The following STX16 variants were observed in gnomAD, a reference collection of about 807,000 sequenced individuals.
STX16 encodes syntaxin-16.
In STX16, 28 loss-of-function variants were observed where a neutral mutation model predicts 42.7. That is an observed-to-expected ratio of 0.66 (90% CI 0.49 to 0.90). The LOEUF (loss-of-function observed/expected upper bound fraction) is 0.90, where lower values mean the gene tolerates loss of function less well. STX16 is among the 40% of genes least tolerant of loss of function. The pLI is 0.00. For synonymous variants in STX16, 156 were observed against 155.2 expected, an observed-to-expected ratio of 1.00 and a Z score of -0.04; for missense variants, 361 against 420.9, an observed-to-expected ratio of 0.86 and a Z score of 1.24.
rs1298477024 is a variant in STX16, at chr20:58,671,425, TATGTGTGTGTGGGTGTGTGTGTGTGTG to T, written c.792+129_792+155del. Reference sequence around the variant, plus strand: ...CCAACATGTGTGTGCACCTGTCCTTTATGTGTGTGTGGGTGTGTGTGTGTGTGTGTGTGTGTGTGTGTGTGTGTATAT... The same window carrying T: ...CCAACATGTGTGTGCACCTGTCCTTTTGTGTGTGTGTGTGTGTGTGTATAT... On this transcript the variant is annotated intron_variant, in intron 7 of 8. Coordinates refer to ENST00000371141, the MANE Select transcript of STX16 (RefSeq NM_001001433.3). 3.8e-5 allele frequency: 18 copies of T among 467,842 alleles called. No individual in the cohort carries two copies. In the African/African-American group the frequency reaches 6.3e-4, roughly 16 times the overall value. 29.0% of individuals were successfully genotyped at this position (467,842 alleles called of 1,614,324 possible).
chr20:58,676,163 CT>C, intron 8 of STX16, 23 bp from the exon 9 acceptor site: 1 of 1,605,140 alleles, frequency 6.2e-7, no homozygotes, highest in Admixed American at 1.7e-5. Context: ...AAATGACGGC[CT>C]TTTTTCCCTC....
In STX16 at chr20:58,679,525, A is replaced by C. The variant is rs1291362058; in HGVS notation, c.*3234A>C. The C allele has an allele frequency of 6.6e-6, 1 of 152,630 alleles. No individual in the cohort carries two copies. The highest frequency in any genetic ancestry group is 2.4e-5 in the African/African-American group (1 of 41,466). The allele number at this position is 152,630 out of a possible 1,614,324, so 9.5% of individuals were successfully genotyped here. ...ATCCTGCAATCCTAGTATTAATTTT[A>C]ACAATGGGTTCATGTTTTCTTCCAG... On this transcript the variant is annotated 3_prime_UTR_variant, in exon 9 of 9. Transcript: ENST00000371141.
intron 1 of STX16, among the ~76,000 whole-genome samples, chr20:58,655,337 A>AT (rs534971734): frequency 6.6e-6 from 1 of 152,116 alleles, no homozygotes; most frequent in Non-Finnish European, 1.5e-5. Context: ...TTAAACATGC[A>AT]TTTTTTGCAT....
intron 2 of STX16, among the ~76,000 whole-genome samples, chr20:58,661,862 C>T (rs2083708594): frequency 6.6e-6 from 1 of 152,192 alleles, no homozygotes; most frequent in Non-Finnish European, 1.5e-5. Context: ...TAGGGGAGGC[C>T]TGAGCAAATG....
intron 2 of STX16, chr20:58,667,270 G>GAAAAC (rs1324812981): frequency 3.1e-6 from 2 of 646,048 alleles, no homozygotes; most frequent in East Asian, 3.1e-5. Context: ...GAAAAGATAG[G>GAAAAC]AAAACAATCC....
rs2084035153 is a variant in STX16, at chr20:58,673,606, T to C, written c.793-25T>C. 2.6e-6 allele frequency: 4 copies of C among 1,524,542 alleles called. No individual in the cohort carries two copies. The South Asian group carries it at 3.4e-5, about 13-fold the overall frequency. 94.4% of individuals were successfully genotyped at this position (1,524,542 alleles called of 1,614,324 possible). ...TTTTCCCAGTTGCTATTGTTGATTG[T>C]CTGTAACTGTCATTTATTACCTAGG... On this transcript the variant is annotated intron_variant, in intron 7 of 8. Transcript: ENST00000371141.
Position 58,678,237 on chromosome 20 carries a change from GA to G in STX16, c.*1949del. ...TGCTGAGCCTTACAAACCCCTGAAGGAAAGTGACCCTTTAAGAGAGGATCAT... is the reference window on the plus strand; with the variant it reads ...TGCTGAGCCTTACAAACCCCTGAAGGAAGTGACCCTTTAAGAGAGGATCAT... On this transcript the variant is annotated 3_prime_UTR_variant, in exon 9 of 9. Transcript: ENST00000371141. 1 of 152,322 alleles carries G rather than the reference GA, an allele frequency of 6.6e-6. No homozygotes were observed. Among genetic ancestry groups the G allele is most frequent in the Middle Eastern group, 3.4e-3 (1 of 296 alleles). 9.4% of individuals were successfully genotyped at this position (152,322 alleles called of 1,614,324 possible).
rs771187972 is a variant in STX16 at position 58,667,474 on chromosome 20, C to G, written c.145-16C>G. 3 of 1,610,414 alleles carry G rather than the reference C, an allele frequency of 1.9e-6. No homozygotes were observed. The highest frequency in any genetic ancestry group is 2.2e-5 in the South Asian group (2 of 90,744). On this transcript the variant is annotated splice_polypyrimidine_tract_variant and intron_variant, in intron 2 of 8. Transcript: ENST00000371141. ...GATTAGAATAATTTTTTTCATGTCC[C>G]TTTACTTTCCTGTAGCTTGCTGATG... is the stretch of plus-strand genomic sequence containing the variant.
rs550738886 is a variant in STX16, at chr20:58,673,374, A to G, written c.793-257A>G. Among the ~76,000 whole-genome samples the G allele has an allele frequency of 2.0e-5, 3 of 152,200 alleles. No individual in the cohort carries two copies. The East Asian group carries it at 5.8e-4, about 29-fold the overall frequency. On this transcript the variant is annotated intron_variant, in intron 7 of 8. Coordinates refer to ENST00000371141, the MANE Select transcript of STX16 (RefSeq NM_001001433.3). ...ATATGGCATTTCTATGGCAGCTGAA[A>G]CCAATAAGGAAACCTCAGTCTGTCA...
chr20:58,652,194 T>G, intron 1 of STX16, 56 bp downstream of exon 1: 1 of 1,606,364 alleles, frequency 6.2e-7, no homozygotes, highest in Non-Finnish European at 8.5e-7. Flanking sequence ...CGGCTCTGCC[T>G]GTTTGTCTGT....
chr20:58,654,172 A>C (rs1298332834), intron 1 of STX16, among the ~76,000 whole-genome samples: 1 of 152,178 alleles, frequency 6.6e-6, no homozygotes, highest in Non-Finnish European at 1.5e-5. Flanking sequence ...CATACCATTG[A>C]AAATGTTAAT....
intron 2 of STX16, 74 bp downstream of exon 2, chr20:58,659,708 G>C (rs1391541158): frequency 2.6e-6 from 4 of 1,517,462 alleles, no homozygotes; most frequent in Non-Finnish European, 3.6e-6. Flanking sequence ...TGAAGTCTTT[G>C]CTCATATATA....
rs1258757911 is a variant in STX16 at position 58,676,205 on chromosome 20, A to G, written c.892A>G (p.Lys298Glu). Residue 298 changes from lysine (K) to glutamate (E), a missense_variant, in exon 9 of 9, where the codon AAG (lysine) becomes GAG (glutamate). Lys to Glu is a moderately conservative substitution (Grantham distance 56, BLOSUM62 1). Transcript: ENST00000371141. Reference protein sequence around the residue: ...QLHKAEQYQKKNRKMLVILIL... With the variant: ...QLHKAEQYQKENRKMLVILIL... ...TTTGTAGGCAGAACAGTATCAAAAGAAGAATCGGAAGATGCTTGTGATTTT... is the reference window on the plus strand; with the variant it reads ...TTTGTAGGCAGAACAGTATCAAAAGGAGAATCGGAAGATGCTTGTGATTTT... 6.2e-7 allele frequency: 1 copy of G among 1,614,170 alleles called. No homozygotes were observed. The highest frequency in any genetic ancestry group is 8.5e-7 in the Non-Finnish European group (1 of 1,179,988).
chr20:58,661,795 C>T (rs984018443), intron 2 of STX16, among the ~76,000 whole-genome samples: 1 of 152,194 alleles, frequency 6.6e-6, no homozygotes, highest in Non-Finnish European at 1.5e-5. Flanking sequence ...ACATTGGCAT[C>T]TCTGGAAATA....
Position 58,677,539 on chromosome 20 carries a change from G to T in STX16, c.*1248G>T, listed in dbSNP as rs2084160010. ...ATTCCTATAACTGTAGAACAGTGTG[G>T]AAAGTGATGGTAACTTTGAAGTTGT... On this transcript the variant is annotated 3_prime_UTR_variant, in exon 9 of 9. Coordinates refer to ENST00000371141, the MANE Select transcript of STX16 (RefSeq NM_001001433.3). 1 of 152,202 alleles carries T rather than the reference G, an allele frequency of 6.6e-6. No individual in the cohort carries two copies. Among genetic ancestry groups the T allele is most frequent in the African/African-American group, 2.4e-5 (1 of 41,448 alleles). The allele number at this position is 152,202 out of a possible 1,614,324, so 9.4% of individuals were successfully genotyped here.
At chr20:58,672,341 T>C (rs1012919429) in intron 7 of STX16, among the ~76,000 whole-genome samples, 1 of 151,840 alleles carries the variant, frequency 6.6e-6, no homozygotes, top group Non-Finnish European at 1.5e-5. Flanking sequence ...TCAAAAAATA[T>C]ATATATATAT....
At chr20:58,671,372 T>G (rs2083964331) in intron 7 of STX16, 75 bp downstream of exon 7, 1 of 1,484,172 alleles carries the variant, frequency 6.7e-7, no homozygotes, top group East Asian at 2.3e-5. Flanking sequence ...TGTACTCCTT[T>G]CAGGGAAAAA....
intron 7 of STX16, 53 bp downstream of exon 7, chr20:58,671,350 C>T: frequency 6.5e-7 from 1 of 1,532,286 alleles, no homozygotes; most frequent in Non-Finnish European, 8.8e-7. Context: ...ACTATCTGTA[C>T]CTTCTTTTTC....
intron 2 of STX16, among the ~76,000 whole-genome samples, chr20:58,666,190 C>T (rs760455582): frequency 3.9e-5 from 6 of 152,054 alleles, no homozygotes; most frequent in Non-Finnish European, 1.5e-5. Flanking sequence ...ATTTTTCACC[C>T]AACTCTACAG....
Sources: allele counts gnomAD v4.1 joint callset (sites outside exome capture counted in the v4.1 genomes callset), GRCh38; gene constraint gnomAD v4.1.1; transcripts MANE v1.5; gene names NCBI Gene and HGNC (gene_info 2026-07-23, HGNC 2026-07-21).